The following FBXW12 variants were observed in gnomAD, a reference collection of about 807,000 sequenced individuals.
FBXW12 encodes the protein F-box and WD repeat domain containing 12.
FBXW12 carries 43 observed loss-of-function variants against 55.3 expected under a neutral mutation model. That is an observed-to-expected ratio of 0.78 (90% CI 0.61 to 1.00). The LOEUF (loss-of-function observed/expected upper bound fraction) is 1.00. FBXW12 is among the 50% of genes least tolerant of loss of function. The probability of loss-of-function intolerance (pLI) is 0.00; values close to 1 mark genes in which losing one functional copy is unlikely to be tolerated. For synonymous variants in FBXW12, 184 were observed against 203.8 expected (o/e 0.90, Z 0.83); for missense variants, 524 against 560.5 (o/e 0.93, Z 0.66).
At chr3:48,385,394 TTTTC>T (rs2036835174) in intron 10 of FBXW12, among the ~76,000 whole-genome samples, 1 of 124,746 alleles carries the variant, frequency 8.0e-6, no homozygotes, top group Non-Finnish European at 1.9e-5. Context: ...ATATACCACA[TTTTC>T]TTTATCCATT....
chr3:48,394,028 C>T (rs1489723506), intron 10 of FBXW12, among the ~76,000 whole-genome samples: 2 of 152,042 alleles, frequency 1.3e-5, no homozygotes, highest in East Asian at 1.9e-4. Context: ...CCACCCACCT[C>T]GGCCTCCCAA....
chr3:48,374,792 CAG>C (rs1393949487), intron 4 of FBXW12, among the ~76,000 whole-genome samples: 2 of 44,764 alleles, frequency 4.5e-5, no homozygotes, highest in Admixed American at 2.8e-4. Context: ...TTTTTAAAAA[CAG>C]AGTCTCATTT....
intron 5 of FBXW12, among the ~76,000 whole-genome samples, chr3:48,377,841 T>A (rs1338259874): frequency 6.6e-6 from 1 of 152,222 alleles, no homozygotes; most frequent in African/African-American, 2.4e-5. Flanking sequence ...ACAATTTTTT[T>A]AAAGGCTAAA....
In FBXW12 at chr3:48,381,893, C is replaced by T. The variant is rs775742279; in HGVS notation, c.1164+15C>T. 2 of 1,610,680 alleles carry T rather than the reference C, an allele frequency of 1.2e-6. No individual in the cohort carries two copies. Among genetic ancestry groups the T allele is most frequent in the Non-Finnish European group, 1.7e-6 (2 of 1,177,440 alleles). On this transcript the variant is annotated intron_variant, in intron 9 of 10. Coordinates refer to ENST00000296438, the MANE Select transcript of FBXW12 (RefSeq NM_207102.2). ...ACTTCTGGGTGGTATGTATGATTCT[C>T]CTCCACTGCTTTTTGATCTGACTTT... is the stretch of plus-strand genomic sequence containing the variant.
chr3:48,377,333 A>G (rs910460815), intron 5 of FBXW12, among the ~76,000 whole-genome samples: 1 of 152,220 alleles, frequency 6.6e-6, no homozygotes, highest in Non-Finnish European at 1.5e-5. Flanking sequence ...CACAGAAGAC[A>G]ATTCTTCACT....
intron 10 of FBXW12, 55 bp from the exon 11 acceptor site, chr3:48,394,505 T>C (rs1331576827): frequency 5.0e-6 from 5 of 990,386 alleles, no homozygotes; most frequent in Middle Eastern, 2.0e-4. Context: ...GTATTAACAA[T>C]GGATGTACCT....
intron 2 of FBXW12, 84 bp downstream of exon 2, chr3:48,372,941 G>C (rs1560028996): frequency 7.0e-6 from 9 of 1,284,352 alleles, no homozygotes; most frequent in Non-Finnish European, 1.0e-5. Flanking sequence ...AATAGCAGAG[G>C]GTTACACTGA....
At chr3:48,392,125 TTTTG>T (rs776856992) in intron 10 of FBXW12, among the ~76,000 whole-genome samples, 45 of 152,002 alleles carry the variant, frequency 3.0e-4, no homozygotes, top group Non-Finnish European at 4.7e-4. Flanking sequence ...ATGCTGGATT[TTTTG>T]TTTGTTTACG....
intron 4 of FBXW12, among the ~76,000 whole-genome samples, chr3:48,373,918 T>C (rs181119429): frequency 4.6e-4 from 68 of 148,054 alleles, no homozygotes; most frequent in Non-Finnish European, 8.4e-4. Flanking sequence ...ACTAGAGTGA[T>C]TTTTTTTCAC....
At chr3:48,388,380 C>T (rs912361072) in intron 10 of FBXW12, among the ~76,000 whole-genome samples, 6 of 152,252 alleles carry the variant, frequency 3.9e-5, no homozygotes, top group East Asian at 1.9e-4. Flanking sequence ...TTTCCTATTA[C>T]GGATTATTTA....
intron 7 of FBXW12, 127 bp downstream of exon 7, chr3:48,379,685 G>A: frequency 1.4e-6 from 1 of 727,640 alleles, no homozygotes; most frequent in South Asian, 1.8e-5. Flanking sequence ...ACATCACAAG[G>A]GGAATCCATT....
chr3:48,381,682 C>A lies in FBXW12; in HGVS notation c.986-18C>A. On this transcript the variant is annotated intron_variant, in intron 8 of 10. Coordinates refer to ENST00000296438, the MANE Select transcript of FBXW12 (RefSeq NM_207102.2). ...TTATGTGTGTGTGTATATATATGTG[C>A]GTTTTACATGAAAACAGCATATGAG... The A allele has an allele frequency of 6.5e-7, 1 of 1,539,212 alleles. No homozygotes were observed. The highest frequency in any genetic ancestry group is 1.3e-5 in the South Asian group (1 of 78,336).
intron 10 of FBXW12, among the ~76,000 whole-genome samples, chr3:48,387,343 GT>G (rs979980301): frequency 6.6e-5 from 10 of 150,838 alleles, no homozygotes; most frequent in African/African-American, 2.4e-4. Context: ...TCATTTCTGT[GT>G]TTTTTTGTTT....
intron 10 of FBXW12, among the ~76,000 whole-genome samples, chr3:48,391,174 C>T (rs1367493145): frequency 6.7e-6 from 1 of 148,602 alleles, no homozygotes; most frequent in Non-Finnish European, 1.5e-5. Context: ...GTCCCAGCTA[C>T]ACAAGAAGCT....
intron 10 of FBXW12, among the ~76,000 whole-genome samples, chr3:48,386,941 CTT>C (rs34140121): frequency 1.3e-4 from 18 of 141,930 alleles, no homozygotes; most frequent in Admixed American, 2.8e-4. Flanking sequence ...TCTTCTTCTT[CTT>C]TTTTTTTTTT....
chr3:48,389,799 T>C (rs1281022771), intron 10 of FBXW12, among the ~76,000 whole-genome samples: 1 of 152,246 alleles, frequency 6.6e-6, no homozygotes, highest in Non-Finnish European at 1.5e-5. Flanking sequence ...AGTGTTTTCT[T>C]AGGTTTTCTT....
At chr3:48,373,219 C>T in intron 2 of FBXW12, 89 bp from the exon 3 acceptor site, 4 of 1,599,622 alleles carry the variant, frequency 2.5e-6, no homozygotes, top group Admixed American at 3.3e-5. Context: ...CTGTGCGGGC[C>T]CAGCTCCCAG....
At chr3:48,382,680 G>C (rs1251774629) in intron 10 of FBXW12, among the ~76,000 whole-genome samples, 3 of 152,136 alleles carry the variant, frequency 2.0e-5, no homozygotes, top group African/African-American at 7.2e-5. Context: ...CTTGCTTGCT[G>C]CTTCAGTGAG....
intron 7 of FBXW12, 27 bp from the exon 8 acceptor site, chr3:48,380,674 CT>C (rs748300916): frequency 6.4e-6 from 10 of 1,566,214 alleles, no homozygotes; most frequent in Middle Eastern, 1.8e-4. Flanking sequence ...TTCCCTGCCC[CT>C]GACCATGCAT....
Sources: gnomAD v4.1 joint callset for allele counts (sites outside exome capture counted in the v4.1 genomes callset) on GRCh38, gnomAD v4.1.1 for gene constraint, MANE v1.5 for transcripts, NCBI Gene and HGNC (gene_info 2026-07-23, HGNC 2026-07-21) for gene names.